TFB2M: variants seen among roughly 807,000 people sequenced by gnomAD.
TFB2M encodes the protein dimethyladenosine transferase 2, mitochondrial.
Under a neutral mutation model 41.3 loss-of-function variants are expected in TFB2M, and 44 were observed. The observed-to-expected ratio is 1.07, with a 90% confidence interval of 0.84 to 1.37. TFB2M has a LOEUF of 1.37. Among genes scored for constraint, TFB2M ranks in the 40% most tolerant of loss-of-function variants. TFB2M has a pLI of 0.00. For missense variants in TFB2M, 496 were observed against 490.2 expected (o/e 1.01, Z -0.11); for synonymous variants, 188 against 176.8 (o/e 1.06, Z -0.50).
intron 1 of TFB2M, among the ~76,000 whole-genome samples, chr1:246,565,053 A>T (rs1219237940): frequency 6.6e-6 from 1 of 152,222 alleles, no homozygotes; most frequent in African/African-American, 2.4e-5. Context: ...GATTGCCTCT[A>T]GCCTATCACT....
At chr1:246,542,136 A>T (rs1350657755) in intron 7 of TFB2M, among the ~76,000 whole-genome samples, 7 of 152,140 alleles carry the variant, frequency 4.6e-5, no homozygotes, top group Non-Finnish European at 1.0e-4. Flanking sequence ...GAAAAGATAC[A>T]GTAAAAGATA....
At chr1:246,557,712 TG>T (rs1389241755) in intron 2 of TFB2M, among the ~76,000 whole-genome samples, 178 bp from the exon 3 acceptor site, 3 of 152,206 alleles carry the variant, frequency 2.0e-5, no homozygotes, top group Non-Finnish European at 4.4e-5. Context: ...CTCGCTCTGT[TG>T]CCAGGCTGGA....
At chr1:246,544,970 T>TC in intron 6 of TFB2M, among the ~76,000 whole-genome samples, 1 of 152,146 alleles carries the variant, frequency 6.6e-6, no homozygotes, top group East Asian at 2.0e-4. Context: ...CACGCCTGGC[T>TC]AATTTTTTGT....
chr1:246,542,590 T>C (rs1658891991), intron 7 of TFB2M, among the ~76,000 whole-genome samples: 1 of 152,126 alleles, frequency 6.6e-6, no homozygotes, highest in Admixed American at 6.6e-5. Flanking sequence ...GCAGGATCAC[T>C]TGAGCAAGGG....
In TFB2M at chr1:246,546,983, ATT is replaced by A. The variant is rs74163461; in HGVS notation, c.858+1560_858+1561del. On this transcript the variant is annotated intron_variant, in intron 6 of 7. Transcript: ENST00000366514. Reference sequence around the variant, plus strand: ...TGTATATATACACACACACACACACATTTTTTTTTTTTTTTTTTGAGACAAAG... The same window carrying A: ...TGTATATATACACACACACACACACATTTTTTTTTTTTTTTTGAGACAAAG... Among the ~76,000 whole-genome samples, 128 of 127,168 alleles carry A rather than the reference ATT, an allele frequency of 1.0e-3. 1 individual carries two copies. Among genetic ancestry groups the A allele is most frequent in the Middle Eastern group, 4.6e-3 (1 of 216 alleles). 83.4% of individuals were successfully genotyped at this position (127,168 alleles called of 152,430 possible).
intron 2 of TFB2M, among the ~76,000 whole-genome samples, chr1:246,563,485 T>C (rs1659510607): frequency 6.6e-6 from 1 of 151,874 alleles, no homozygotes; most frequent in African/African-American, 2.4e-5. Flanking sequence ...GCGCCTGTAA[T>C]CCCAGCTACT....
At chr1:246,549,142 A>T (rs1572086379) in intron 5 of TFB2M, among the ~76,000 whole-genome samples, 2 of 151,732 alleles carry the variant, frequency 1.3e-5, no homozygotes, top group East Asian at 3.9e-4. Context: ...TGGAGTTTGC[A>T]GTAAGCCACT....
chr1:246,542,430 T>TG lies in TFB2M; in HGVS notation c.1020-1229dup, dbSNP rs1658884701. ...GCTCCTACCTGTTATCCCAGCACTTTGGGGGGCTAGGTGGGAGGATCATTT... is the reference window on the plus strand; with the variant it reads ...GCTCCTACCTGTTATCCCAGCACTTTGGGGGGGCTAGGTGGGAGGATCATTT... On this transcript the variant is annotated intron_variant, in intron 7 of 7. Coordinates refer to ENST00000366514, the MANE Select transcript of TFB2M (RefSeq NM_022366.3). 3.3e-5 allele frequency among the ~76,000 whole-genome samples: 5 copies of TG among 152,020 alleles called. 1 individual carries two copies. In the South Asian group the frequency reaches 1.0e-3, roughly 32 times the overall value.
At chr1:246,545,030 C>G (rs533675684) in intron 6 of TFB2M, among the ~76,000 whole-genome samples, 2 of 149,778 alleles carry the variant, frequency 1.3e-5, no homozygotes, top group African/African-American at 2.4e-5. Flanking sequence ...TGGTCTCGAT[C>G]TCCTGACCTC....
At chr1:246,553,931 CCT>C (rs976790156) in intron 4 of TFB2M, among the ~76,000 whole-genome samples, 10 of 152,200 alleles carry the variant, frequency 6.6e-5, no homozygotes, top group South Asian at 2.1e-4. Flanking sequence ...TGAATCAGCC[CCT>C]GATTTCAAAA....
At chr1:246,557,298 C>T (rs1270102340) in intron 3 of TFB2M, 83 bp downstream of exon 3, 3 of 1,457,538 alleles carry the variant, frequency 2.1e-6, no homozygotes, top group Admixed American at 2.3e-5. Context: ...AAATAAAACA[C>T]AAATTTCATC....
intron 6 of TFB2M, among the ~76,000 whole-genome samples, chr1:246,547,389 A>G (rs1418482224): frequency 6.6e-6 from 1 of 152,242 alleles, no homozygotes; most frequent in Non-Finnish European, 1.5e-5. Flanking sequence ...GAATATTTGG[A>G]TAAGTCCCCA....
chr1:246,551,712 T>C (rs1194056719), intron 4 of TFB2M, among the ~76,000 whole-genome samples: 2 of 152,124 alleles, frequency 1.3e-5, no homozygotes, highest in Non-Finnish European at 2.9e-5. Context: ...AACACACAAG[T>C]GTTAAGGCTG....
chr1:246,546,982 C>CCA (rs1558509658), intron 6 of TFB2M, among the ~76,000 whole-genome samples: 1 of 94,282 alleles, frequency 1.1e-5, no homozygotes, highest in Admixed American at 1.2e-4. Context: ...CACACACACA[C>CCA]ATTTTTTTTT....
intron 2 of TFB2M, among the ~76,000 whole-genome samples, chr1:246,559,336 G>A (rs1659397685): frequency 6.6e-6 from 1 of 152,158 alleles, no homozygotes; most frequent in Admixed American, 6.5e-5. Flanking sequence ...ATCACACAAG[G>A]TCAGGAGTTT....
In TFB2M at chr1:246,549,114, T is replaced by G. The variant is rs573101463; in HGVS notation, c.796-507A>C. On this transcript the variant is annotated intron_variant, in intron 5 of 7. Transcript: ENST00000366514. ...ACTTTGGGAGGCCAAAGTGGGAGGG[T>G]TGCTTGAGCCTGGGAGCTGGAGTTT... is the stretch of plus-strand genomic sequence containing the variant. Among the ~76,000 whole-genome samples the G allele has an allele frequency of 2.3e-3, 339 of 149,678 alleles. 1 individual carries two copies. Among genetic ancestry groups the G allele is most frequent in the African/African-American group, 8.1e-3 (327 of 40,428 alleles).
chr1:246,553,717 A>G (rs1156620417), intron 4 of TFB2M, among the ~76,000 whole-genome samples: 2 of 152,192 alleles, frequency 1.3e-5, no homozygotes, highest in African/African-American at 4.8e-5. Flanking sequence ...AAATGGAAAG[A>G]CATTTCATGT....
chr1:246,551,216 G>A lies in TFB2M; in HGVS notation c.792C>T (p.His264=). 1 of 1,612,662 alleles carries A rather than the reference G, an allele frequency of 6.2e-7. No homozygotes were observed. The highest frequency in any genetic ancestry group is 8.5e-7 in the Non-Finnish European group (1 of 1,178,792). ...WQLACEIKVL[H]MEPWSSFDIY... The stretch of plus-strand genomic sequence containing the variant: ...TAAACAGAAGGATTTTACTCACCAT[G>A]TGCAGAACCTTAATCTCACAAGCTA... Residue 264 remains histidine (H), a synonymous_variant, in exon 5 of 8, where the codon CAC becomes CAT. Coordinates refer to ENST00000366514, the MANE Select transcript of TFB2M (RefSeq NM_022366.3).
At position 246,557,662 on chromosome 1, in the gene TFB2M, T is replaced by A. The variant is rs553046605; in HGVS notation, c.403-128A>T. The stretch of plus-strand genomic sequence containing the variant: ...ATAAAAATAATTCAATTACCTGGGG[T>A]TTTTTTGTTTTGTTTTGTTTTGTTT... On this transcript the variant is annotated intron_variant, in intron 2 of 7. Coordinates refer to ENST00000366514, the MANE Select transcript of TFB2M (RefSeq NM_022366.3). The A allele has an allele frequency of 7.3e-5, 61 of 833,562 alleles. 2 individuals carry two copies. In the South Asian group the frequency reaches 1.3e-3, roughly 18 times the overall value. The allele number at this position is 833,562 out of a possible 1,614,324, so 51.6% of individuals were successfully genotyped here.
Sources: gnomAD v4.1 joint callset for allele counts (sites outside exome capture counted in the v4.1 genomes callset) on GRCh38, gnomAD v4.1.1 for gene constraint, MANE v1.5 for transcripts, NCBI Gene and HGNC (gene_info 2026-07-23, HGNC 2026-07-21) for gene names.